ATAD2B: variants seen among roughly 807,000 people sequenced by gnomAD.
ATAD2B encodes the protein ATPase family AAA domain-containing protein 2B.
A neutral mutation model predicts 167.6 loss-of-function variants in ATAD2B; 40 were observed. The ratio of observed to expected loss-of-function variants is 0.24; its 90% CI spans 0.19 to 0.31. The LOEUF is 0.31. ATAD2B is among the 10% of genes least tolerant of loss of function. ATAD2B has a pLI of 1.00. For synonymous variants in ATAD2B, 579 were observed against 596.5 expected (o/e 0.97, Z 0.43); for missense variants, 1,242 against 1,757.2 (o/e 0.71, Z 5.24).
chr2:23,745,559 C>A (rs1674834112), downstream of ATAD2B, among the ~76,000 whole-genome samples: 4 of 152,150 alleles, frequency 2.6e-5, no homozygotes, highest in Admixed American at 1.3e-4. Flanking sequence ...AGCCACACCA[C>A]AAGATAGGAC....
chr2:23,906,986 A>C lies in ATAD2B; in HGVS notation c.217-11016T>G, dbSNP rs188465123. Among the ~76,000 whole-genome samples the C allele has an allele frequency of 7.2e-4, 108 of 150,076 alleles. 2 individuals carry two copies. Among genetic ancestry groups the C allele is most frequent in the African/African-American group, 2.0e-3 (80 of 40,254 alleles). The stretch of plus-strand genomic sequence containing the variant: ...CGTATTTCAAAATAATAAGAGCTAT[A>C]TATGACACACTCACAGCCAATATCA... On this transcript the variant is annotated intron_variant, in intron 1 of 27. Transcript: ENST00000238789.
At chr2:23,716,116 TA>T in the ATAD2B span, among the ~76,000 whole-genome samples, 2 of 152,220 alleles carry the variant, frequency 1.3e-5, no homozygotes, top group East Asian at 3.8e-4. Flanking sequence ...GCTGTAAGAG[TA>T]ACCATACACA....
chr2:23,862,790 T>C (rs1694607118), intron 12 of ATAD2B, among the ~76,000 whole-genome samples: 4 of 152,184 alleles, frequency 2.6e-5, no homozygotes, highest in Admixed American at 2.0e-4. Context: ...TTTATGCCTG[T>C]TGTAGTTCCC....
intron 2 of ATAD2B, among the ~76,000 whole-genome samples, chr2:23,891,572 T>G (rs564133442): frequency 1.3e-5 from 2 of 152,144 alleles, no homozygotes; most frequent in African/African-American, 4.8e-5. Flanking sequence ...CTTGGCTCAC[T>G]GCAACCTCCG....
At chr2:23,757,238 C>CTG (rs140633899) in intron 25 of ATAD2B, among the ~76,000 whole-genome samples, 180 bp downstream of exon 25, 22 of 151,748 alleles carry the variant, frequency 1.4e-4, no homozygotes, top group Admixed American at 9.8e-4. Flanking sequence ...GTGCATGCCT[C>CTG]TGTGTGTGTG....
intron 22 of ATAD2B, among the ~76,000 whole-genome samples, chr2:23,782,552 A>G (rs1279803417): frequency 6.6e-6 from 1 of 152,234 alleles, no homozygotes; most frequent in African/African-American, 2.4e-5. Context: ...ATTTCCATGA[A>G]TTCGAAATTC....
At chr2:23,737,947 C>T in the ATAD2B span, among the ~76,000 whole-genome samples, 2 of 152,108 alleles carry the variant, frequency 1.3e-5, no homozygotes, top group South Asian at 4.2e-4. Flanking sequence ...GAAAGGGTAT[C>T]AGTGATGGAA....
At chr2:23,737,055 C>T in the ATAD2B span, among the ~76,000 whole-genome samples, 2 of 152,218 alleles carry the variant, frequency 1.3e-5, no homozygotes, top group African/African-American at 4.8e-5. Flanking sequence ...CCTGGAAGCT[C>T]GAACTGGATG....
chr2:23,815,538 A>C (rs1362140155), intron 17 of ATAD2B, among the ~76,000 whole-genome samples: 1 of 152,234 alleles, frequency 6.6e-6, no homozygotes, highest in African/African-American at 2.4e-5. Context: ...CAGGGTCTGA[A>C]GCTCAAGAGC....
chr2:23,819,039 A>G (rs1189755110), intron 17 of ATAD2B, among the ~76,000 whole-genome samples: 1 of 152,248 alleles, frequency 6.6e-6, no homozygotes, highest in Admixed American at 6.5e-5. Context: ...ATGATCATCT[A>G]AAGTTTATTA....
chr2:23,754,568 A>G (rs898135663), intron 26 of ATAD2B, 79 bp downstream of exon 26: 31 of 1,516,090 alleles, frequency 2.0e-5, no homozygotes, highest in Non-Finnish European at 2.8e-5. Context: ...CAGGAAAACT[A>G]CTTTTACTCA....
At chr2:23,868,208 C>T (rs1338123506) in intron 9 of ATAD2B, among the ~76,000 whole-genome samples, 2 of 151,866 alleles carry the variant, frequency 1.3e-5, no homozygotes, top group Non-Finnish European at 2.9e-5. Flanking sequence ...TTTAGGAAAA[C>T]ATCTTAACAT....
intron 14 of ATAD2B, among the ~76,000 whole-genome samples, chr2:23,832,009 C>T (rs912153134): frequency 3.9e-5 from 6 of 152,180 alleles, no homozygotes; most frequent in Admixed American, 3.9e-4. Context: ...TCCAATTAAG[C>T]TTTTGCACCC....
chr2:23,684,659 A>G, the ATAD2B span: 1 of 772,906 alleles, frequency 1.3e-6, no homozygotes, highest in South Asian at 2.3e-5. The surrounding 1 kb of genome is among the most constrained non-coding windows in gnomAD (Gnocchi z 4.4). Flanking sequence ...GCCAGTAGCC[A>G]TCTCTCCTCC....
At chr2:23,873,653 C>T (rs1412006073) in intron 8 of ATAD2B, among the ~76,000 whole-genome samples, 1 of 152,022 alleles carries the variant, frequency 6.6e-6, no homozygotes, top group Non-Finnish European at 1.5e-5. Flanking sequence ...GGTTTTTTCT[C>T]AAATATTTTC....
chr2:23,719,175 G>A, the ATAD2B span, among the ~76,000 whole-genome samples: 1 of 152,158 alleles, frequency 6.6e-6, no homozygotes, highest in Non-Finnish European at 1.5e-5. Context: ...AGGACTTTTG[G>A]TCTGGACCTA....
chr2:23,803,339 C>CACACACGT (rs1491446798), intron 18 of ATAD2B, among the ~76,000 whole-genome samples: 1 of 122,916 alleles, frequency 8.1e-6, no homozygotes, highest in Non-Finnish European at 2.0e-5. Flanking sequence ...CACACACACA[C>CACACACGT]GCGCACGCAT....
intron 17 of ATAD2B, among the ~76,000 whole-genome samples, chr2:23,816,717 C>A (rs1686510506): frequency 6.6e-6 from 1 of 152,116 alleles, no homozygotes; most frequent in South Asian, 2.1e-4. Flanking sequence ...TGTATATCAT[C>A]TTTCTAATCA....
At chr2:23,874,701 A>T (rs900637700) in intron 8 of ATAD2B, among the ~76,000 whole-genome samples, 2 of 152,054 alleles carry the variant, frequency 1.3e-5, no homozygotes, top group Non-Finnish European at 2.9e-5. Flanking sequence ...CTCAAAAAAA[A>T]AAAATAAACT....
Sources: allele counts gnomAD v4.1 joint callset (sites outside exome capture counted in the v4.1 genomes callset), GRCh38; gene constraint gnomAD v4.1.1; non-coding constraint Gnocchi (gnomAD v3.1); transcripts MANE v1.5; gene names NCBI Gene and HGNC (gene_info 2026-07-23, HGNC 2026-07-21).